Variants in BDP1 observed in about 807,000 individuals in gnomAD.
BDP1 encodes BDP1 general transcription factor IIIB subunit.
Under a neutral mutation model 266.6 loss-of-function variants are expected in BDP1, and 169 were observed. The ratio of observed to expected loss-of-function variants is 0.63; its 90% CI spans 0.56 to 0.72. The LOEUF is 0.72. Ranked by LOEUF, BDP1 falls within the 30% of genes least tolerant of loss-of-function variation. The pLI is 0.00. For synonymous variants in BDP1, 1,090 were observed against 1,022.4 expected (o/e 1.07, Z -1.26); for missense variants, 3,015 against 3,053.8 (o/e 0.99, Z 0.30).
intron 19 of BDP1, among the ~76,000 whole-genome samples, chr5:71,513,875 T>C (rs555419107): frequency 7.9e-5 from 12 of 152,084 alleles, no homozygotes; most frequent in African/African-American, 2.9e-4. Context: ...CGTGCTGCCA[T>C]GTCCGGCTAA....
Position 71,513,213 on chromosome 5 carries a change from C to G in BDP1, c.4276C>G (p.Leu1426Val). The change falls in exon 19 of 39, where the codon CTT becomes GTT. Residue 1426 changes from leucine to valine, a missense_variant. Leu to Val is a conservative substitution (Grantham distance 32). Transcript: ENST00000358731. Reference protein sequence around the residue: ...SKSLPQEQKPLEIKPAPFVRS... With the variant: ...SKSLPQEQKPVEIKPAPFVRS... ...ATCTCTTCCTCAAGAACAGAAGCCA[C>G]TTGAAATTAAACCAGCACCTTTTGT... 6.2e-7 allele frequency: 1 copy of G among 1,613,008 alleles called. No homozygotes were observed. Among genetic ancestry groups the G allele is most frequent in the Non-Finnish European group, 8.5e-7 (1 of 1,179,834 alleles).
chr5:71,488,793 C>T (rs1040936432), intron 9 of BDP1, among the ~76,000 whole-genome samples: 4 of 151,686 alleles, frequency 2.6e-5, no homozygotes, highest in African/African-American at 7.3e-5. Flanking sequence ...CTGCAACCTC[C>T]GCCTCCCGTG....
At chr5:71,530,996 C>G (rs1766210149) in intron 25 of BDP1, among the ~76,000 whole-genome samples, 1 of 152,044 alleles carries the variant, frequency 6.6e-6, no homozygotes, top group Admixed American at 6.6e-5. Context: ...ATTGCTTGAG[C>G]CTGAGAGGTT....
chr5:71,485,583 C>A (rs1763216346), intron 8 of BDP1, among the ~76,000 whole-genome samples: 1 of 152,110 alleles, frequency 6.6e-6, no homozygotes, highest in South Asian at 2.1e-4. Context: ...TGTAATCAAA[C>A]CAGTCTTTGG....
At chr5:71,547,941 C>T (rs1043216928) in intron 32 of BDP1, among the ~76,000 whole-genome samples, 6 of 151,634 alleles carry the variant, frequency 4.0e-5, no homozygotes, top group East Asian at 1.9e-4. Flanking sequence ...GGCGACAGAG[C>T]GAGACTGTCT....
chr5:71,530,274 G>C (rs1766153844), intron 25 of BDP1, among the ~76,000 whole-genome samples: 1 of 150,966 alleles, frequency 6.6e-6, no homozygotes, highest in Non-Finnish European at 1.5e-5. Flanking sequence ...TTACTCCATT[G>C]CCCAGGCTGG....
Position 71,458,581 on chromosome 5 carries a change from C to T in BDP1, c.215C>T (p.Thr72Ile), listed in dbSNP as rs368874147. The change falls in exon 2 of 39, where the codon ACT becomes ATT. Residue 72 changes from threonine (T) to isoleucine (I), a missense_variant and splice_region_variant. Coordinates refer to ENST00000358731, the MANE Select transcript of BDP1 (RefSeq NM_018429.3). ...EPQEKAPRSSTEKTGGDNDVE... is the reference protein window; with the variant it reads ...EPQEKAPRSSIEKTGGDNDVE... The stretch of plus-strand genomic sequence containing the variant: ...TTTTTCTTTTTTAATTTCAACAGTA[C>T]TGAAAAGACTGGTGGTGACAATGAT... 2.6e-5 allele frequency: 41 copies of T among 1,605,252 alleles called. No individual in the cohort carries two copies. The highest frequency in any genetic ancestry group is 3.4e-5 in the Non-Finnish European group (40 of 1,176,036).
intron 4 of BDP1, 125 bp from the exon 5 acceptor site, chr5:71,465,971 T>G: frequency 3.0e-6 from 3 of 1,010,720 alleles, no homozygotes; most frequent in Non-Finnish European, 4.3e-6. Context: ...ACTGTTTTCA[T>G]TTGGATTATA....
chr5:71,480,950 G>T (rs1353350052), intron 7 of BDP1, among the ~76,000 whole-genome samples: 1 of 152,206 alleles, frequency 6.6e-6, no homozygotes, highest in East Asian at 1.9e-4. Flanking sequence ...GCCAAGGCGG[G>T]TGGATCACGA....
chr5:71,533,193 A>G (rs1479767739), intron 26 of BDP1, among the ~76,000 whole-genome samples: 1 of 152,054 alleles, frequency 6.6e-6, no homozygotes, highest in African/African-American at 2.4e-5. Context: ...GAACATTTGG[A>G]TTATTTTCAT....
rs1743098930 is a variant in BDP1 at position 71,554,734 on chromosome 5, A to G, written c.7200+1414A>G. ...TCCATTTGGCTTATTTGTGATTTTT[A>G]TTTTCTAAACTTTGTTTTTAGCATT... On this transcript the variant is annotated intron_variant, in intron 35 of 38. Transcript: ENST00000358731. Among the ~76,000 whole-genome samples, 5 of 150,230 alleles carry G rather than the reference A, an allele frequency of 3.3e-5. No homozygotes were observed. In the South Asian group the frequency reaches 1.1e-3, roughly 32 times the overall value.
chr5:71,502,443 G>A (rs546993686), intron 14 of BDP1, among the ~76,000 whole-genome samples, 156 bp from the exon 15 acceptor site: 54 of 152,084 alleles, frequency 3.6e-4, no homozygotes, highest in Non-Finnish European at 6.6e-4. Flanking sequence ...CAAAGTGCTG[G>A]GATTACAGGT....
At chr5:71,514,016 A>G (rs1326908393) in intron 19 of BDP1, among the ~76,000 whole-genome samples, 1 of 152,120 alleles carries the variant, frequency 6.6e-6, no homozygotes, top group African/African-American at 2.4e-5. Flanking sequence ...CGTGGCGCCC[A>G]GCGAGAATAA....
intron 37 of BDP1, 77 bp from the exon 38 acceptor site, chr5:71,562,197 A>G: frequency 9.8e-6 from 1 of 101,554 alleles, no homozygotes; most frequent in Non-Finnish European, 1.5e-5. Flanking sequence ...CTGCGTCTCA[A>G]AAAAAAAAAA....
In BDP1 at chr5:71,532,418, T is replaced by C. The variant is rs756235768; in HGVS notation, c.5883T>C (p.Ser1961=). The part of the protein sequence containing the change: ...TEEMKQEENL[S]VPFEMTTSEH... The stretch of plus-strand genomic sequence containing the variant: ...AAATGAAACAAGAAGAAAATTTGAG[T>C]GTACCGTTTGTAAGCATCCATTTTA... The change falls in exon 26 of 39, where the codon AGT becomes AGC. Residue 1961 remains serine, a synonymous_variant. Transcript: ENST00000358731. 3.1e-6 allele frequency: 5 copies of C among 1,613,246 alleles called. No homozygotes were observed. Among genetic ancestry groups the C allele is most frequent in the East Asian group, 4.5e-5 (2 of 44,784 alleles).
chr5:71,491,164 A>T (rs111983784), intron 11 of BDP1, 33 bp downstream of exon 11: 1 of 1,597,516 alleles, frequency 6.3e-7, no homozygotes, highest in African/African-American at 1.3e-5. Flanking sequence ...TTTTATCCAC[A>T]TCTGTTGATT....
intron 6 of BDP1, among the ~76,000 whole-genome samples, chr5:71,467,861 A>T (rs1055444651): frequency 1.3e-5 from 2 of 151,998 alleles, no homozygotes; most frequent in South Asian, 2.1e-4. Context: ...GAAAGTAGAG[A>T]TAGGGTCTTG....
At position 71,496,882 on chromosome 5, in the gene BDP1, C is replaced by A. The variant is rs547730325; in HGVS notation, c.1800-388C>A. Among the ~76,000 whole-genome samples, 17 of 152,218 alleles carry A rather than the reference C, an allele frequency of 1.1e-4. 1 individual carries two copies. The highest frequency in any genetic ancestry group is 2.0e-4 in the Admixed American group (3 of 15,286). ...ATAGGCGTGAGCCACTGCGCCCGGCCTTCCCATCATCATTTAATCTTACTT... is the reference window on the plus strand; with the variant it reads ...ATAGGCGTGAGCCACTGCGCCCGGCATTCCCATCATCATTTAATCTTACTT... On this transcript the variant is annotated intron_variant, in intron 12 of 38. Transcript: ENST00000358731.
At chr5:71,501,478 C>G (rs1764226101) in intron 13 of BDP1, 84 bp from the exon 14 acceptor site, 1 of 914,812 alleles carries the variant, frequency 1.1e-6, no homozygotes, top group Non-Finnish European at 1.8e-6. Context: ...CCGGCCAGTT[C>G]TGTTGTTTTA....
Sources: allele counts gnomAD v4.1 joint callset (sites outside exome capture counted in the v4.1 genomes callset), GRCh38; gene constraint gnomAD v4.1.1; transcripts MANE v1.5; gene names NCBI Gene and HGNC (gene_info 2026-07-23, HGNC 2026-07-21).